DIPK1A: variants seen among roughly 807,000 people sequenced by gnomAD.
DIPK1A encodes family with sequence similarity 69 member A.
DIPK1A carries 27 observed loss-of-function variants against 40.8 expected under a neutral mutation model. The observed-to-expected ratio is 0.66, with a 90% confidence interval of 0.49 to 0.91. DIPK1A has a LOEUF of 0.91. Ranked by LOEUF, DIPK1A falls within the 40% of genes least tolerant of loss-of-function variation. DIPK1A has a pLI of 0.00. For synonymous variants in DIPK1A, 166 were observed against 171.3 expected, an observed-to-expected ratio of 0.97 and a Z score of 0.24; for missense variants, 412 against 505.7, an observed-to-expected ratio of 0.81 and a Z score of 1.78.
intron 3 of DIPK1A, among the ~76,000 whole-genome samples, chr1:92,850,233 G>T (rs1179204787): frequency 6.6e-6 from 1 of 152,134 alleles, no homozygotes; most frequent in Non-Finnish European, 1.5e-5. Context: ...GCCTCCCAAA[G>T]TGTTGGGATT....
chr1:92,877,960 A>G (rs531535908), intron 1 of DIPK1A, among the ~76,000 whole-genome samples: 16 of 152,216 alleles, frequency 1.1e-4, no homozygotes, highest in Non-Finnish European at 2.4e-4. Context: ...AGCTAAATCA[A>G]TTTGCAAGTC....
intron 1 of DIPK1A, among the ~76,000 whole-genome samples, chr1:92,903,318 T>A (rs1649492305): frequency 6.6e-6 from 1 of 152,204 alleles, no homozygotes; most frequent in African/African-American, 2.4e-5. Context: ...AGTGCTGGGA[T>A]TACAGGGGTG....
At chr1:92,953,207 G>T (rs909319692) in intron 1 of DIPK1A, among the ~76,000 whole-genome samples, 1 of 151,326 alleles carries the variant, frequency 6.6e-6, no homozygotes, top group African/African-American at 2.4e-5. Flanking sequence ...CTAAAACAAG[G>T]TATCAGCTCA....
chr1:92,961,431 G>A lies in DIPK1A; in HGVS notation c.-2C>T. 1 of 1,509,430 alleles carries A rather than the reference G, an allele frequency of 6.6e-7. No homozygotes were observed. The highest frequency in any genetic ancestry group is 8.9e-7 in the Non-Finnish European group (1 of 1,125,102). The allele number at this position is 1,509,430 out of a possible 1,614,324, so 93.5% of individuals were successfully genotyped here. ...CCCCGGACAGAGACTCCTCGCCATG[G>A]TAATCACACATCGCCCCGCCGCGCT... On this transcript the variant is annotated 5_prime_UTR_variant, in exon 1 of 5. Coordinates refer to ENST00000370310, the MANE Select transcript of DIPK1A (RefSeq NM_001006605.5).
At chr1:92,896,753 C>T (rs1334567309) in intron 1 of DIPK1A, among the ~76,000 whole-genome samples, 2 of 152,150 alleles carry the variant, frequency 1.3e-5, no homozygotes, top group Admixed American at 6.5e-5. Context: ...GCAATCTACT[C>T]ATCTGACCAA....
chr1:92,913,485 T>C (rs1455124394), intron 1 of DIPK1A, among the ~76,000 whole-genome samples: 2 of 152,192 alleles, frequency 1.3e-5, no homozygotes, highest in Non-Finnish European at 2.9e-5. Flanking sequence ...GGCAAAAATA[T>C]CCATTTTGTC....
chr1:92,928,799 TA>T (rs1214486435), intron 1 of DIPK1A, among the ~76,000 whole-genome samples: 4 of 152,164 alleles, frequency 2.6e-5, no homozygotes, highest in Admixed American at 6.6e-5. Flanking sequence ...CCGACTCTAC[TA>T]AAAATACAAA....
intron 4 of DIPK1A, among the ~76,000 whole-genome samples, chr1:92,834,583 G>T (rs1687043346): frequency 6.6e-6 from 1 of 152,208 alleles, no homozygotes; most frequent in African/African-American, 2.4e-5. Context: ...TTCAAAAGAT[G>T]ATTGAAATAT....
chr1:92,920,495 A>C (rs1270943914), intron 1 of DIPK1A, among the ~76,000 whole-genome samples: 1 of 152,182 alleles, frequency 6.6e-6, no homozygotes, highest in Non-Finnish European at 1.5e-5. Flanking sequence ...CTTTATTAGC[A>C]GTGTGAGAAG....
rs186684518 is a variant in DIPK1A, at chr1:92,923,207, C to T, written c.54+38169G>A. Among the ~76,000 whole-genome samples, 306 of 152,236 alleles carry T rather than the reference C, an allele frequency of 2.0e-3. 2 individuals are homozygous for T. Among genetic ancestry groups the T allele is most frequent in the African/African-American group, 6.3e-3 (261 of 41,536 alleles). On this transcript the variant is annotated intron_variant, in intron 1 of 4. Coordinates refer to ENST00000370310, the MANE Select transcript of DIPK1A (RefSeq NM_001006605.5). The stretch of plus-strand genomic sequence containing the variant: ...AGGCTGGGGTGCAGTGGCACGATCT[C>T]GGCTCACTGCAACCTCTGCCTCCTG...
chr1:92,871,462 G>A lies in DIPK1A; in HGVS notation c.189+4834C>T, dbSNP rs373074162. On this transcript the variant is annotated intron_variant, in intron 2 of 4. Transcript: ENST00000370310. ...TTACAGGTGTGAGACACTGCACCCGGCCTCTTTTATTCTTTTATTATTCCA... is the reference window on the plus strand; with the variant it reads ...TTACAGGTGTGAGACACTGCACCCGACCTCTTTTATTCTTTTATTATTCCA... Among the ~76,000 whole-genome samples, 21 of 152,286 alleles carry A rather than the reference G, an allele frequency of 1.4e-4. No homozygotes were observed. In the East Asian group the frequency reaches 2.9e-3, roughly 21 times the overall value.
intron 1 of DIPK1A, among the ~76,000 whole-genome samples, chr1:92,910,935 C>T (rs2100836047): frequency 6.6e-6 from 1 of 152,274 alleles, no homozygotes; most frequent in Non-Finnish European, 1.5e-5. Flanking sequence ...ACTAGTATCC[C>T]TCATGTTGCC....
chr1:92,845,852 C>A (rs1048140841), intron 4 of DIPK1A, among the ~76,000 whole-genome samples: 2 of 148,108 alleles, frequency 1.4e-5, no homozygotes, highest in Non-Finnish European at 3.0e-5. Flanking sequence ...AAAAAATTAG[C>A]CAGGTGCGGT....
chr1:92,876,145 C>G, intron 2 of DIPK1A, 151 bp downstream of exon 2: 1 of 462,986 alleles, frequency 2.2e-6, no homozygotes, highest in Non-Finnish European at 3.5e-6. Context: ...GAAAACTTTA[C>G]TAATGGGTCA....
At chr1:92,841,216 A>G (rs145391775), downstream of DIPK1A, among the ~76,000 whole-genome samples, 1,198 of 152,302 alleles carry the variant, frequency 7.9e-3, 20 homozygotes, top group South Asian at 0.028. Context: ...TGTAACCACC[A>G]TTCTGCTCTC....
rs1429906117 is a variant in DIPK1A, at chr1:92,876,278, G to A, written c.189+18C>T. 6.9e-7 allele frequency: 1 copy of A among 1,453,856 alleles called. No homozygotes were observed. The highest frequency in any genetic ancestry group is 1.8e-4 in the Middle Eastern group (1 of 5,446). The allele number at this position is 1,453,856 out of a possible 1,614,324, so 90.1% of individuals were successfully genotyped here. On this transcript the variant is annotated intron_variant, in intron 2 of 4. Coordinates refer to ENST00000370310, the MANE Select transcript of DIPK1A (RefSeq NM_001006605.5). ...TATGAAGAGGCTTTTTAGTAAACAGGAAATTTAAAATACTTACTATTATTT... is the reference window on the plus strand; with the variant it reads ...TATGAAGAGGCTTTTTAGTAAACAGAAAATTTAAAATACTTACTATTATTT...
chr1:92,833,131 T>G, intron 4 of DIPK1A: 1 of 674,350 alleles, frequency 1.5e-6, no homozygotes, highest in South Asian at 1.6e-5. Context: ...AATTGGGGCC[T>G]GCATTTTGTA....
intron 1 of DIPK1A, among the ~76,000 whole-genome samples, chr1:92,905,471 C>A (rs745511883): frequency 6.6e-6 from 1 of 152,082 alleles, no homozygotes; most frequent in Non-Finnish European, 1.5e-5. Flanking sequence ...ATTTTAAAAT[C>A]AGATTATTAG....
At chr1:92,925,056 A>C (rs1460111939) in intron 1 of DIPK1A, among the ~76,000 whole-genome samples, 2 of 152,160 alleles carry the variant, frequency 1.3e-5, no homozygotes, top group Non-Finnish European at 2.9e-5. Context: ...GTGTCTATTG[A>C]GATGGCCACA....
Sources: allele counts gnomAD v4.1 joint callset (sites outside exome capture counted in the v4.1 genomes callset), GRCh38; gene constraint gnomAD v4.1.1; transcripts MANE v1.5; gene names NCBI Gene and HGNC (gene_info 2026-07-23, HGNC 2026-07-21).